Variants in WIPF2 observed in about 807,000 individuals in gnomAD.
The protein encoded by WIPF2 is WAS/WASL-interacting protein family member 2.
Under a neutral mutation model 38.8 loss-of-function variants are expected in WIPF2, and 23 were observed. That is an observed-to-expected ratio of 0.59 (90% CI 0.43 to 0.84). The LOEUF is 0.84. Among genes scored for constraint, WIPF2 ranks in the 40% least tolerant of loss-of-function variants. WIPF2 has a pLI of 0.00. For synonymous variants in WIPF2, 210 were observed against 223.2 expected (o/e 0.94, Z 0.53); for missense variants, 574 against 580.5 (o/e 0.99, Z 0.11).
chr17:40,264,355 A>C, intron 4 of WIPF2, 135 bp from the exon 5 acceptor site: 1 of 664,656 alleles, frequency 1.5e-6, no homozygotes, highest in Admixed American at 3.2e-5. Flanking sequence ...AAAAAAAAAG[A>C]AAAACAAAAA....
At chr17:40,238,419 T>C (rs948866202) in intron 1 of WIPF2, among the ~76,000 whole-genome samples, 2 of 151,970 alleles carry the variant, frequency 1.3e-5, no homozygotes, top group Non-Finnish European at 2.9e-5. Context: ...TTCTCCTGTC[T>C]CAGCCTCCCA....
intron 6 of WIPF2, among the ~76,000 whole-genome samples, chr17:40,276,874 A>G (rs2032420316): frequency 6.6e-6 from 1 of 152,192 alleles, no homozygotes; most frequent in Non-Finnish European, 1.5e-5. Flanking sequence ...TACTTAGTAC[A>G]GAGAGGTTTT....
intron 1 of WIPF2, among the ~76,000 whole-genome samples, chr17:40,252,311 CTT>C (rs1486017912): frequency 1.3e-5 from 2 of 152,040 alleles, no homozygotes; most frequent in African/African-American, 4.8e-5. Flanking sequence ...TTGTCTGAGT[CTT>C]TTTTGGGTCA....
intron 1 of WIPF2, among the ~76,000 whole-genome samples, chr17:40,222,167 G>C (rs189030865): frequency 1 from 8 of 8 alleles, 4 homozygotes; most frequent in Non-Finnish European, 1. Context: ...AATTCTCCTG[G>C]CTCAGCCTCC....
intron 1 of WIPF2, among the ~76,000 whole-genome samples, chr17:40,225,385 A>G (rs957088264): frequency 3.9e-4 from 60 of 152,126 alleles, no homozygotes; most frequent in African/African-American, 1.4e-3. Flanking sequence ...TAATAGGAAA[A>G]AAAGGTGATA....
intron 6 of WIPF2, among the ~76,000 whole-genome samples, chr17:40,274,931 CAAAAAAAAAAA>C (rs777312230): frequency 8.6e-4 from 39 of 45,574 alleles, no homozygotes; most frequent in Non-Finnish European, 1.2e-3. Flanking sequence ...GAATCTGTCT[CAAAAAAAAAAA>C]AAAAAAAAAA....
intron 1 of WIPF2, among the ~76,000 whole-genome samples, chr17:40,253,309 G>A (rs553745351): frequency 6.6e-6 from 1 of 152,010 alleles, no homozygotes; most frequent in Non-Finnish European, 1.5e-5. Context: ...TGATCTGCCC[G>A]CCTTGGCCTC....
intron 1 of WIPF2, among the ~76,000 whole-genome samples, chr17:40,243,555 C>T (rs1035303823): frequency 6.6e-6 from 1 of 151,836 alleles, no homozygotes; most frequent in Non-Finnish European, 1.5e-5. Flanking sequence ...GCTCTGTCGC[C>T]CAGGCTGGAG....
At chr17:40,256,331 TCCTGGG>T in intron 1 of WIPF2, 54 bp from the exon 2 acceptor site, 17 of 1,391,240 alleles carry the variant, frequency 1.2e-5, no homozygotes, top group Non-Finnish European at 1.5e-5. Context: ...TCTCTCATTC[TCCTGGG>T]CACTTGTATC....
At chr17:40,243,996 A>G (rs560270900) in intron 1 of WIPF2, among the ~76,000 whole-genome samples, 6 of 152,152 alleles carry the variant, frequency 3.9e-5, no homozygotes, top group Non-Finnish European at 8.8e-5. Context: ...TGTGATAGAA[A>G]TCTGTTTCAC....
intron 5 of WIPF2, among the ~76,000 whole-genome samples, chr17:40,271,143 G>C (rs1333584994): frequency 6.6e-6 from 1 of 151,990 alleles, no homozygotes; most frequent in African/African-American, 2.4e-5. Flanking sequence ...GCTAATTTTT[G>C]TACTTTTTTA....
intron 1 of WIPF2, among the ~76,000 whole-genome samples, chr17:40,246,252 A>T (rs2031358848): frequency 6.6e-6 from 1 of 150,966 alleles, no homozygotes; most frequent in Non-Finnish European, 1.5e-5. Flanking sequence ...ACACCCAGCT[A>T]ATTTTTGTGT....
At chr17:40,237,231 T>C (rs576042315) in intron 1 of WIPF2, among the ~76,000 whole-genome samples, 6 of 150,900 alleles carry the variant, frequency 4.0e-5, no homozygotes, top group Admixed American at 6.7e-5. Flanking sequence ...TTTTTCCTAT[T>C]CAATTTTTCC....
In WIPF2 at chr17:40,278,239, C is replaced by A. The variant is rs749708344; in HGVS notation, c.*14C>A. The A allele has an allele frequency of 6.2e-7, 1 of 1,613,500 alleles. No individual in the cohort carries two copies. Among genetic ancestry groups the A allele is most frequent in the South Asian group, 1.1e-5 (1 of 90,922 alleles). ...ATTCTCAGGTGAAGCCTGGCTTGGTCCCGTTCCTCAGGAAAAGGATGGACC... is the reference window on the plus strand; with the variant it reads ...ATTCTCAGGTGAAGCCTGGCTTGGTACCGTTCCTCAGGAAAAGGATGGACC... On this transcript the variant is annotated 3_prime_UTR_variant, in exon 8 of 8. Transcript: ENST00000323571.
At chr17:40,246,036 A>G (rs2031350895) in intron 1 of WIPF2, among the ~76,000 whole-genome samples, 1 of 149,420 alleles carries the variant, frequency 6.7e-6, no homozygotes, top group African/African-American at 2.5e-5. Flanking sequence ...ATGTTGATCC[A>G]TTCCTTGCTG....
At chr17:40,224,391 C>T (rs1157237504) in intron 1 of WIPF2, among the ~76,000 whole-genome samples, 1 of 147,416 alleles carries the variant, frequency 6.8e-6, no homozygotes, top group Non-Finnish European at 1.5e-5. Context: ...CCACCACGCC[C>T]GGCTGATTTT....
At chr17:40,262,777 T>G in intron 4 of WIPF2, 136 bp downstream of exon 4, 1 of 675,712 alleles carries the variant, frequency 1.5e-6, no homozygotes, top group South Asian at 1.8e-5. Context: ...AGTTATAGAA[T>G]AGAATACAGC....
chr17:40,269,977 T>G (rs2032201070), intron 5 of WIPF2, among the ~76,000 whole-genome samples: 1 of 152,112 alleles, frequency 6.6e-6, no homozygotes, highest in Non-Finnish European at 1.5e-5. Context: ...GGGTTAATCT[T>G]GGATTACAAA....
chr17:40,236,481 G>A (rs2030973923), intron 1 of WIPF2, among the ~76,000 whole-genome samples: 1 of 151,022 alleles, frequency 6.6e-6, no homozygotes, highest in African/African-American at 2.4e-5. Context: ...GGAACTACAG[G>A]CGTGTGTAGA....
Sources: allele counts gnomAD v4.1 joint callset (sites outside exome capture counted in the v4.1 genomes callset), GRCh38; gene constraint gnomAD v4.1.1; transcripts MANE v1.5; gene names NCBI Gene and HGNC (gene_info 2026-07-23, HGNC 2026-07-21).